Variants in KLHL24 observed in about 807,000 individuals in gnomAD.
KLHL24 encodes kelch like family member 24, also known as kelch-like protein 24.
KLHL24 carries 29 observed loss-of-function variants against 53.4 expected under a neutral mutation model. That is an observed-to-expected ratio of 0.54 (90% CI 0.40 to 0.74). The LOEUF is 0.74. KLHL24 is among the 30% of genes least tolerant of loss of function. The probability of loss-of-function intolerance (pLI) is 0.00; values close to 1 mark genes in which losing one functional copy is unlikely to be tolerated. For missense variants in KLHL24, 504 were observed against 744.0 expected (o/e 0.68, Z 3.75); for synonymous variants, 222 against 253.7 (o/e 0.88, Z 1.19).
intron 5 of KLHL24, 58 bp from the exon 6 acceptor site, chr3:183,670,976 A>G: frequency 1.6e-6 from 2 of 1,228,606 alleles, no homozygotes; most frequent in East Asian, 2.4e-5. Flanking sequence ...TCTTTAGCCA[A>G]CTACTTCAAA....
intron 3 of KLHL24, among the ~76,000 whole-genome samples, chr3:183,655,927 T>TA (rs200350273): frequency 3.3e-5 from 5 of 150,270 alleles, no homozygotes; most frequent in Non-Finnish European, 7.4e-5. Context: ...GAGACTCCTT[T>TA]AAAAAAAAAT....
At position 183,671,200 on chromosome 3, in the gene KLHL24, A is replaced by T; in HGVS notation, c.1391A>T (p.Asp464Val). 6.2e-7 allele frequency: 1 copy of T among 1,613,924 alleles called. No homozygotes were observed. The highest frequency in any genetic ancestry group is 8.5e-7 in the Non-Finnish European group (1 of 1,179,892). ...GKLFVIGGGP[D>V]DNTCSDKVQS... Reference sequence around the variant, plus strand: ...CTGTTTGTGATTGGTGGAGGACCTGATGATAATACTTGTTCTGATAAGGTA... The same window carrying T: ...CTGTTTGTGATTGGTGGAGGACCTGTTGATAATACTTGTTCTGATAAGGTA... Residue 464 changes from aspartate to valine, a missense_variant, in exon 6 of 8, where the codon GAT (aspartate) becomes GTT (valine). Asp to Val is a radical substitution (Grantham distance 152, BLOSUM62 -3). Transcript: ENST00000242810.
intron 7 of KLHL24, among the ~76,000 whole-genome samples, chr3:183,678,837 A>G (rs1438640972): frequency 6.6e-6 from 1 of 152,164 alleles, no homozygotes; most frequent in Non-Finnish European, 1.5e-5. Context: ...ACGTCCCTAC[A>G]AAGGACATGA....
intron 3 of KLHL24, among the ~76,000 whole-genome samples, chr3:183,657,945 G>T (rs534641734): frequency 6.6e-6 from 1 of 152,244 alleles, no homozygotes; most frequent in East Asian, 1.9e-4. Context: ...GGGCATGGTG[G>T]CTCACGCCTG....
At chr3:183,654,419 C>G (rs756094200) in intron 3 of KLHL24, among the ~76,000 whole-genome samples, 3 of 152,018 alleles carry the variant, frequency 2.0e-5, no homozygotes, top group Non-Finnish European at 2.9e-5. Context: ...CCAGCCCAGA[C>G]TTTTCTCTTT....
intron 5 of KLHL24, among the ~76,000 whole-genome samples, chr3:183,666,163 G>A (rs1210155148): frequency 6.6e-6 from 1 of 152,180 alleles, no homozygotes; most frequent in Non-Finnish European, 1.5e-5. Context: ...TTATAGTTAT[G>A]AGCCACCGCA....
intron 2 of KLHL24, among the ~76,000 whole-genome samples, chr3:183,647,567 C>G (rs142999119): frequency 1.3e-5 from 2 of 151,626 alleles, no homozygotes; most frequent in East Asian, 3.9e-4. Context: ...AAAAATTATC[C>G]AGGCGTGCTG....
At chr3:183,641,999 C>T (rs922098217) in intron 1 of KLHL24, among the ~76,000 whole-genome samples, 2 of 152,120 alleles carry the variant, frequency 1.3e-5, no homozygotes, top group African/African-American at 4.8e-5. Flanking sequence ...TAGACCAGAT[C>T]GGTTATGAGA....
chr3:183,653,871 T>C (rs891542304), intron 3 of KLHL24, among the ~76,000 whole-genome samples: 12 of 152,178 alleles, frequency 7.9e-5, no homozygotes, highest in African/African-American at 2.9e-4. Flanking sequence ...TCCTCCTGTT[T>C]CACCCAGTGA....
intron 3 of KLHL24, among the ~76,000 whole-genome samples, chr3:183,652,365 G>T (rs1375367400): frequency 7.2e-5 from 11 of 151,912 alleles, no homozygotes; most frequent in Admixed American, 7.2e-4. Flanking sequence ...CTTGTTATGA[G>T]AAATATTACA....
intron 1 of KLHL24, chr3:183,636,151 G>C (rs1202746239): frequency 6.6e-6 from 1 of 152,506 alleles, no homozygotes; most frequent in Non-Finnish European, 1.5e-5. Flanking sequence ...GCCGCCGGGG[G>C]AGGCGGCTGG....
Position 183,682,958 on chromosome 3 carries a change from A to T in KLHL24, c.*3672A>T, listed in dbSNP as rs1423473042. 2 of 141,460 alleles carry T rather than the reference A, an allele frequency of 1.4e-5. No individual in the cohort carries two copies. Among genetic ancestry groups the T allele is most frequent in the Admixed American group, 7.1e-5 (1 of 14,090 alleles). 8.8% of individuals were successfully genotyped at this position (141,460 alleles called of 1,614,324 possible). On this transcript the variant is annotated 3_prime_UTR_variant, in exon 8 of 8. Transcript: ENST00000242810. ...TTTCGTTTTTTTTTTTTTTTGGGGA[A>T]GGGGGGAGAACGGGGTCTTGCTCTG... is the stretch of plus-strand genomic sequence containing the variant.
intron 1 of KLHL24, among the ~76,000 whole-genome samples, chr3:183,637,578 A>G (rs1436944364): frequency 6.6e-6 from 1 of 152,188 alleles, no homozygotes. Context: ...GCTTGAGTTA[A>G]TAGGGTATTT....
chr3:183,674,106 C>G (rs1386374548), intron 7 of KLHL24, among the ~76,000 whole-genome samples: 3 of 152,030 alleles, frequency 2.0e-5, no homozygotes, highest in Non-Finnish European at 2.9e-5. Flanking sequence ...TCTAGCCTAT[C>G]AGTTCTCCTA....
Position 183,671,686 on chromosome 3 carries a change from C to T in KLHL24, c.1413+464C>T, listed in dbSNP as rs575139763. ...AATAGAGGATGGCTCAAAGTTGTTC[C>T]GGTTCAGTAAACTTCTGGGACGAAA... On this transcript the variant is annotated intron_variant, in intron 6 of 7. Transcript: ENST00000242810. Among the ~76,000 whole-genome samples, 71 of 152,234 alleles carry T rather than the reference C, an allele frequency of 4.7e-4. 2 individuals carry two copies. The South Asian group carries it at 0.014, about 30-fold the overall frequency.
At position 183,637,334 on chromosome 3, in the gene KLHL24, G is replaced by A. The variant is rs562494830; in HGVS notation, c.-125+1541G>A. Among the ~76,000 whole-genome samples, 7 of 152,318 alleles carry A rather than the reference G, an allele frequency of 4.6e-5. No homozygotes were observed. In the South Asian group the frequency reaches 1.5e-3, roughly 32 times the overall value. Reference sequence around the variant, plus strand: ...TACTATTTAAAAAAGATAGTTTGAAGATACTCCCCTAAAAAGTAAAGATTC... The same window carrying A: ...TACTATTTAAAAAAGATAGTTTGAAAATACTCCCCTAAAAAGTAAAGATTC... On this transcript the variant is annotated intron_variant, in intron 1 of 7. Coordinates refer to ENST00000242810, the MANE Select transcript of KLHL24 (RefSeq NM_017644.3).
At chr3:183,660,164 C>G (rs1719523235) in intron 3 of KLHL24, among the ~76,000 whole-genome samples, 1 of 149,002 alleles carries the variant, frequency 6.7e-6, no homozygotes, top group Non-Finnish European at 1.5e-5. Context: ...CAAGGTCTCC[C>G]TCTGTCACCC....
chr3:183,677,896 A>G (rs907353550), intron 7 of KLHL24, among the ~76,000 whole-genome samples: 3 of 152,040 alleles, frequency 2.0e-5, no homozygotes, highest in Non-Finnish European at 2.9e-5. Context: ...GGTTCAAGCA[A>G]TTCTCCTGCC....
intron 2 of KLHL24, among the ~76,000 whole-genome samples, chr3:183,647,175 C>G (rs28594592): frequency 6.7e-6 from 1 of 150,186 alleles, no homozygotes; most frequent in Non-Finnish European, 1.5e-5. Flanking sequence ...AATCCTAGCA[C>G]TTTGGGAGGA....
Sources: allele counts gnomAD v4.1 joint callset (sites outside exome capture counted in the v4.1 genomes callset), GRCh38; gene constraint gnomAD v4.1.1; transcripts MANE v1.5; gene names NCBI Gene and HGNC (gene_info 2026-07-23, HGNC 2026-07-21).